The following DPY19L1 variants were observed in gnomAD, a reference collection of about 807,000 sequenced individuals.
The protein encoded by DPY19L1 is protein C-mannosyl-transferase DPY19L1.
In DPY19L1, 35 loss-of-function variants were observed where a neutral mutation model predicts 96.9. The observed-to-expected ratio is 0.36, with a 90% CI of 0.28 to 0.48. The LOEUF is 0.48. Ranked by LOEUF, DPY19L1 falls within the 20% of genes least tolerant of loss-of-function variation. The pLI, the probability that DPY19L1 is intolerant of heterozygous loss-of-function variation, is 0.99. For synonymous variants in DPY19L1, 205 were observed against 252.6 expected, an observed-to-expected ratio of 0.81 and a Z score of 1.79; for missense variants, 521 against 777.9, an observed-to-expected ratio of 0.67 and a Z score of 3.93.
chr7:34,942,591 A>C (rs778993164), intron 17 of DPY19L1, 24 bp downstream of exon 17: 1 of 1,563,390 alleles, frequency 6.4e-7, no homozygotes, highest in South Asian at 1.2e-5. Flanking sequence ...GATAAGTAAA[A>C]TTATAGTCAT....
At chr7:34,945,192 C>T (rs1784117187) in intron 16 of DPY19L1, among the ~76,000 whole-genome samples, 1 of 151,714 alleles carries the variant, frequency 6.6e-6, no homozygotes, top group Non-Finnish European at 1.5e-5. Flanking sequence ...TGCTATAGGC[C>T]TCTCTAACTC....
chr7:34,942,780 A>G lies in DPY19L1; in HGVS notation c.1545-141T>C, dbSNP rs989547280. ...CACACACAGGCAAATCAAAATAACT[A>G]AAAGTCACATGCCAAAACTGGTGCT... On this transcript the variant is annotated intron_variant, in intron 16 of 21. Transcript: ENST00000638088. 4.9e-5 allele frequency: 33 copies of G among 668,078 alleles called. No individual in the cohort carries two copies. The African/African-American group carries it at 5.7e-4, about 12-fold the overall frequency. The allele number at this position is 668,078 out of a possible 1,614,324, so 41.4% of individuals were successfully genotyped here.
At chr7:34,997,213 C>T (rs1243597260) in intron 6 of DPY19L1, among the ~76,000 whole-genome samples, 5 of 151,466 alleles carry the variant, frequency 3.3e-5, no homozygotes, top group Admixed American at 1.3e-4. Context: ...AATAAAAATA[C>T]TTATCTTTTA....
intron 6 of DPY19L1, among the ~76,000 whole-genome samples, chr7:34,990,581 A>G (rs1785145649): frequency 6.6e-6 from 1 of 152,262 alleles, no homozygotes; most frequent in Admixed American, 6.5e-5. Context: ...TCAAAGTATG[A>G]CAATCAGGCT....
chr7:35,037,931 C>T (rs113238862), upstream of DPY19L1: 50,710 of 1,228,962 alleles, frequency 0.041, 1,181 homozygotes, highest in African/African-American at 0.093. Context: ...AGAGCCCTCT[C>T]GGGATCGGGG....
intron 8 of DPY19L1, among the ~76,000 whole-genome samples, chr7:34,971,482 C>T (rs538661241): frequency 5.9e-4 from 89 of 152,092 alleles, no homozygotes; most frequent in Non-Finnish European, 9.9e-4. Context: ...ATGAAGATGG[C>T]GAGGAAGATC....
At position 34,955,471 on chromosome 7, in the gene DPY19L1, T is replaced by C. The variant is rs1242211553; in HGVS notation, c.1180-104A>G. 6 of 1,442,346 alleles carry C rather than the reference T, an allele frequency of 4.2e-6. No individual in the cohort carries two copies. The East Asian group carries it at 9.8e-5, about 24-fold the overall frequency. The allele number at this position is 1,442,346 out of a possible 1,614,324, so 89.3% of individuals were successfully genotyped here. A position where few individuals can be genotyped will look rare whatever the true frequency, so the allele number is the denominator to read the frequency against. ...TAATAAGATTCTCAAGTATCTAAAATTTAGCACATGGTTGACTTTCCACAT... is the reference window on the plus strand; with the variant it reads ...TAATAAGATTCTCAAGTATCTAAAACTTAGCACATGGTTGACTTTCCACAT... On this transcript the variant is annotated intron_variant, in intron 11 of 21. Coordinates refer to ENST00000638088, the MANE Select transcript of DPY19L1 (RefSeq NM_001366673.1).
At chr7:34,982,766 C>T (rs1437255027) in intron 7 of DPY19L1, among the ~76,000 whole-genome samples, 1 of 152,172 alleles carries the variant, frequency 6.6e-6, no homozygotes, top group Non-Finnish European at 1.5e-5. Context: ...GCCACCCCTC[C>T]CCCAACCTGG....
chr7:34,981,219 C>T (rs1784932308), intron 7 of DPY19L1, among the ~76,000 whole-genome samples: 1 of 151,826 alleles, frequency 6.6e-6, no homozygotes, highest in Non-Finnish European at 1.5e-5. Flanking sequence ...ACAATGGGAG[C>T]ATCAAAAAGA....
At chr7:34,944,372 A>C (rs1021938140) in intron 16 of DPY19L1, among the ~76,000 whole-genome samples, 1 of 150,384 alleles carries the variant, frequency 6.6e-6, no homozygotes, top group Non-Finnish European at 1.5e-5. Context: ...TCTCAAAAAA[A>C]AAAAAAAAAA....
In DPY19L1 at chr7:34,954,421, G is replaced by C. The variant is rs184933840; in HGVS notation, c.1320+277C>G. On this transcript the variant is annotated intron_variant, in intron 13 of 21. Coordinates refer to ENST00000638088, the MANE Select transcript of DPY19L1 (RefSeq NM_001366673.1). ...AGCTAGAGAAAAATGACTGTATAGA[G>C]CTTAAAATTCGATCTTTAATCTATT... is the stretch of plus-strand genomic sequence containing the variant. 292 of 212,408 alleles carry C rather than the reference G, an allele frequency of 1.4e-3. 1 individual carries two copies. Among genetic ancestry groups the C allele is most frequent in the Middle Eastern group, 0.013 (7 of 546 alleles). 13.2% of individuals were successfully genotyped at this position (212,408 alleles called of 1,614,324 possible). A position where few individuals can be genotyped will look rare whatever the true frequency, so the allele number is the denominator to read the frequency against.
chr7:34,986,526 T>C (rs1785052254), intron 7 of DPY19L1, among the ~76,000 whole-genome samples: 1 of 152,046 alleles, frequency 6.6e-6, no homozygotes, highest in Non-Finnish European at 1.5e-5. Context: ...AGTGCTTCCA[T>C]TTTTATGATA....
At chr7:34,960,592 T>A (rs556306758) in intron 10 of DPY19L1, among the ~76,000 whole-genome samples, 1 of 152,278 alleles carries the variant, frequency 6.6e-6, no homozygotes. Context: ...TTTGAATTAT[T>A]TTTCAGTCAA....
chr7:34,946,245 C>T (rs1784142130), intron 15 of DPY19L1, among the ~76,000 whole-genome samples: 1 of 152,212 alleles, frequency 6.6e-6, no homozygotes, highest in African/African-American at 2.4e-5. Flanking sequence ...CTCTACAACA[C>T]TGATGACAGG....
intron 17 of DPY19L1, 73 bp from the exon 18 acceptor site, chr7:34,941,957 A>T: frequency 6.8e-7 from 1 of 1,471,472 alleles, no homozygotes; most frequent in Non-Finnish European, 9.1e-7. Flanking sequence ...GGCAATATGC[A>T]GAAAGGGGTA....
At chr7:35,008,582 A>C (rs1201876062) in intron 6 of DPY19L1, among the ~76,000 whole-genome samples, 1 of 152,218 alleles carries the variant, frequency 6.6e-6, no homozygotes, top group African/African-American at 2.4e-5. Flanking sequence ...AGTTCCAGCT[A>C]CTTGGGAGGC....
chr7:34,937,835 G>A (rs1355695741), intron 21 of DPY19L1, among the ~76,000 whole-genome samples, 159 bp downstream of exon 21: 1 of 151,952 alleles, frequency 6.6e-6, no homozygotes, highest in African/African-American at 2.4e-5. Flanking sequence ...CTCCAGCCTG[G>A]GCAACAGAGT....
chr7:34,964,262 G>T (rs2128666361), intron 10 of DPY19L1, among the ~76,000 whole-genome samples: 1 of 152,116 alleles, frequency 6.6e-6, no homozygotes, highest in Non-Finnish European at 1.5e-5. Flanking sequence ...CCCAAAGTAG[G>T]TTTTGCTGCA....
At chr7:34,986,274 C>T (rs75908040) in intron 7 of DPY19L1, among the ~76,000 whole-genome samples, 2,639 of 151,934 alleles carry the variant, frequency 0.017, 79 homozygotes, top group African/African-American at 0.06. Context: ...TTGCATATTT[C>T]GAAATTGCTA....
Sources: allele counts gnomAD v4.1 joint callset (sites outside exome capture counted in the v4.1 genomes callset), GRCh38; gene constraint gnomAD v4.1.1; transcripts MANE v1.5; gene names NCBI Gene and HGNC (gene_info 2026-07-23, HGNC 2026-07-21).